The following ARHGAP10 variants were observed in gnomAD, a reference collection of about 807,000 sequenced individuals.
ARHGAP10 encodes the protein Rho GTPase activating protein 10.
Under a neutral mutation model 108.6 loss-of-function variants are expected in ARHGAP10, and 87 were observed. The observed-to-expected ratio is 0.80, with a 90% CI of 0.67 to 0.96. The LOEUF is 0.96. Among genes scored for constraint, ARHGAP10 ranks in the 40% least tolerant of loss-of-function variants. The pLI, the probability that ARHGAP10 is intolerant of heterozygous loss-of-function variation, is 0.00. For synonymous variants in ARHGAP10, 347 were observed against 341.1 expected (o/e 1.02, Z -0.19); for missense variants, 939 against 954.5 (o/e 0.98, Z 0.21).
At chr4:147,842,651 G>A (rs564524288) in intron 3 of ARHGAP10, among the ~76,000 whole-genome samples, 13 of 152,206 alleles carry the variant, frequency 8.5e-5, no homozygotes, top group Admixed American at 6.5e-4. Flanking sequence ...GGAGAACACC[G>A]TCCCTCTGTT....
At chr4:147,939,739 T>A in intron 13 of ARHGAP10, 86 bp from the exon 14 acceptor site, 1 of 1,177,690 alleles carries the variant, frequency 8.5e-7, no homozygotes, top group Non-Finnish European at 1.3e-6. Flanking sequence ...CTAATGTTAG[T>A]TAGCAAAGAT....
At chr4:147,879,670 T>C (rs1455421682) in intron 9 of ARHGAP10, among the ~76,000 whole-genome samples, 1 of 152,114 alleles carries the variant, frequency 6.6e-6, no homozygotes, top group African/African-American at 2.4e-5. Context: ...CATTAGATAT[T>C]TCTCCTAATG....
At chr4:147,794,084 G>T (rs1348758247) in intron 1 of ARHGAP10, among the ~76,000 whole-genome samples, 1 of 152,122 alleles carries the variant, frequency 6.6e-6, no homozygotes, top group Non-Finnish European at 1.5e-5. Context: ...TTTACCCTTC[G>T]GGAGCTGTAA....
At chr4:148,001,813 G>A (rs899998192) in intron 18 of ARHGAP10, among the ~76,000 whole-genome samples, 2 of 152,182 alleles carry the variant, frequency 1.3e-5, no homozygotes, top group African/African-American at 4.8e-5. Flanking sequence ...GAGATTTTGG[G>A]CTGAGATGAT....
chr4:147,865,002 A>G lies in ARHGAP10; in HGVS notation c.597+46A>G, dbSNP rs746698537. The G allele has an allele frequency of 1.0e-5, 15 of 1,487,392 alleles. No individual in the cohort carries two copies. The East Asian group carries it at 3.0e-4, about 29-fold the overall frequency. 92.1% of individuals were successfully genotyped at this position (1,487,392 alleles called of 1,614,324 possible). On this transcript the variant is annotated intron_variant, in intron 6 of 22. Transcript: ENST00000336498. Reference sequence around the variant, plus strand: ...TGCTGGTGGATTTTTGCAATGTAAGATAAGTATTTATTTTCCTAGATCTGA... The same window carrying G: ...TGCTGGTGGATTTTTGCAATGTAAGGTAAGTATTTATTTTCCTAGATCTGA...
At chr4:148,049,367 A>T (rs1729024886) in intron 20 of ARHGAP10, among the ~76,000 whole-genome samples, 1 of 152,180 alleles carries the variant, frequency 6.6e-6, no homozygotes, top group Admixed American at 6.5e-5. Flanking sequence ...TGCTGAGTAT[A>T]AGCTGCTTCT....
chr4:147,896,556 T>C (rs1441014594), intron 10 of ARHGAP10, among the ~76,000 whole-genome samples: 1 of 152,182 alleles, frequency 6.6e-6, no homozygotes, highest in Non-Finnish European at 1.5e-5. Context: ...TTTTGTTTCA[T>C]ATTTTCTTGA....
chr4:147,832,382 C>T (rs1258526292), intron 3 of ARHGAP10, among the ~76,000 whole-genome samples: 1 of 150,796 alleles, frequency 6.6e-6, no homozygotes, highest in Non-Finnish European at 1.5e-5. Flanking sequence ...GGCACGGTAG[C>T]TCACGCCTGT....
intron 1 of ARHGAP10, among the ~76,000 whole-genome samples, chr4:147,762,696 A>AT (rs368875432): frequency 0.072 from 10,835 of 150,390 alleles, 874 homozygotes; most frequent in African/African-American, 0.2. Context: ...CGCCCGGCTA[A>AT]TTTTTTTTGT....
chr4:147,894,421 T>C (rs1426950960), intron 10 of ARHGAP10, among the ~76,000 whole-genome samples: 6 of 152,210 alleles, frequency 3.9e-5, no homozygotes, highest in Admixed American at 3.9e-4. Context: ...ATCTTTTTGT[T>C]ACTCAATTGT....
chr4:147,836,090 A>T (rs1483133272), intron 3 of ARHGAP10, among the ~76,000 whole-genome samples: 1 of 152,218 alleles, frequency 6.6e-6, no homozygotes, highest in Non-Finnish European at 1.5e-5. Context: ...TAATCTGAAT[A>T]AAATTTCTGC....
intron 10 of ARHGAP10, among the ~76,000 whole-genome samples, chr4:147,884,214 C>A (rs559020774): frequency 6.4e-4 from 98 of 152,258 alleles, no homozygotes; most frequent in African/African-American, 2.2e-3. Context: ...TGATCATGCC[C>A]AATTTTCTTT....
intron 13 of ARHGAP10, among the ~76,000 whole-genome samples, chr4:147,922,706 AAATTTT>A (rs1337540459): frequency 6.6e-6 from 1 of 151,912 alleles, no homozygotes; most frequent in Non-Finnish European, 1.5e-5. Context: ...AAAAAAAAAA[AAATTTT>A]ATTCATACTA....
intron 1 of ARHGAP10, among the ~76,000 whole-genome samples, chr4:147,772,353 G>C (rs1175411674): frequency 6.6e-6 from 1 of 152,168 alleles, no homozygotes; most frequent in Admixed American, 6.5e-5. Context: ...GTGATTTTTA[G>C]GTCTGCTCTG....
intron 1 of ARHGAP10, among the ~76,000 whole-genome samples, chr4:147,753,353 T>A (rs994213305): frequency 6.2e-5 from 4 of 64,020 alleles, no homozygotes; most frequent in Non-Finnish European, 2.5e-4. Context: ...TTCTTTTCTT[T>A]TCTTTTTTTT....
In ARHGAP10 at chr4:147,840,879, G is replaced by A. The variant is rs543907486; in HGVS notation, c.313-6272G>A. On this transcript the variant is annotated intron_variant, in intron 3 of 22. Transcript: ENST00000336498. The stretch of plus-strand genomic sequence containing the variant: ...CTGATTGGCTGCAAATATTGTAAAT[G>A]TATATTTTTTAAAAATACAAGATAA... Among the ~76,000 whole-genome samples, 4 of 152,272 alleles carry A rather than the reference G, an allele frequency of 2.6e-5. No individual in the cohort carries two copies. The South Asian group carries it at 8.3e-4, about 32-fold the overall frequency.
chr4:147,846,724 T>C (rs1172669094), intron 3 of ARHGAP10, among the ~76,000 whole-genome samples: 2 of 152,218 alleles, frequency 1.3e-5, no homozygotes, highest in African/African-American at 4.8e-5. Flanking sequence ...TTTGAACAAG[T>C]AGCTACAGTC....
intron 7 of ARHGAP10, among the ~76,000 whole-genome samples, chr4:147,874,386 C>G (rs1345603966): frequency 1.3e-5 from 2 of 152,136 alleles, no homozygotes; most frequent in Admixed American, 6.6e-5. Flanking sequence ...TATTGGCACA[C>G]CAAGTGTCCT....
intron 13 of ARHGAP10, among the ~76,000 whole-genome samples, chr4:147,918,080 A>T (rs1244340854): frequency 6.6e-6 from 1 of 152,060 alleles, no homozygotes; most frequent in Non-Finnish European, 1.5e-5. Flanking sequence ...ATTTATTTAA[A>T]TACACTGGAT....
Sources: allele counts gnomAD v4.1 joint callset (sites outside exome capture counted in the v4.1 genomes callset), GRCh38; gene constraint gnomAD v4.1.1; transcripts MANE v1.5; gene names NCBI Gene and HGNC (gene_info 2026-07-23, HGNC 2026-07-21).